PDXDC1: variants seen among roughly 807,000 people sequenced by gnomAD.
PDXDC1 encodes the protein pyridoxal-dependent decarboxylase domain-containing protein 1.
In PDXDC1, 42 loss-of-function variants were observed where a neutral mutation model predicts 100.1. The ratio of observed to expected loss-of-function variants is 0.42; its 90% CI spans 0.33 to 0.54. PDXDC1 has a LOEUF of 0.54. Among genes scored for constraint, PDXDC1 ranks in the 20% least tolerant of loss-of-function variants. The pLI is 0.10. For missense variants in PDXDC1, 636 were observed against 979.2 expected, an observed-to-expected ratio of 0.65 and a Z score of 4.68; for synonymous variants, 260 against 371.7, an observed-to-expected ratio of 0.70 and a Z score of 3.46.
downstream of PDXDC1, among the ~76,000 whole-genome samples, chr16:15,040,774 C>A (rs545554090): frequency 2.0e-5 from 3 of 152,260 alleles, no homozygotes; most frequent in South Asian, 4.1e-4. Flanking sequence ...GAGAGGGAAA[C>A]AAAACCAGGC....
At chr16:15,062,706 T>C (rs1425554058) in intron 16 of PDXDC1, among the ~76,000 whole-genome samples, 1 of 152,228 alleles carries the variant, frequency 6.6e-6, no homozygotes, top group African/African-American at 2.4e-5. Context: ...AAGATCTAAA[T>C]TCATTCAGCT....
intron 16 of PDXDC1, chr16:15,135,765 C>G (rs542253920): frequency 3.8e-6 from 6 of 1,596,086 alleles, no homozygotes; most frequent in East Asian, 2.2e-5. Flanking sequence ...TCTGACCACA[C>G]GCGGTATGAG....
downstream of PDXDC1, among the ~76,000 whole-genome samples, chr16:15,039,619 A>T (rs1003222663): frequency 3.0e-4 from 45 of 152,214 alleles, no homozygotes; most frequent in African/African-American, 1.0e-3. Context: ...TCCTGAGTGC[A>T]GAGGGGAGAA....
chr16:15,135,739 C>A lies in PDXDC1; in HGVS notation c.1400-3140C>A. ...GGTCGTAGGACTCGCTCCCATCCAG[C>A]ACCAGGTCCTGTGTGTCTGACCACA... On this transcript the variant is annotated intron_variant, in intron 16 of 16. Coordinates refer to the PDXDC1 transcript ENST00000535621. The A allele has an allele frequency of 3.8e-6, 6 of 1,596,466 alleles. 1 individual carries two copies. The South Asian group carries it at 6.6e-5, about 18-fold the overall frequency.
At chr16:15,039,175 G>T (rs2043689974), downstream of PDXDC1, among the ~76,000 whole-genome samples, 1 of 152,184 alleles carries the variant, frequency 6.6e-6, no homozygotes, top group African/African-American at 2.4e-5. Context: ...TCCCAAATTT[G>T]CCAATGGCAG....
intron 21 of PDXDC1, among the ~76,000 whole-genome samples, 158 bp downstream of exon 21, chr16:15,034,711 C>T (rs761829271): frequency 1.8e-4 from 27 of 152,026 alleles, no homozygotes; most frequent in Non-Finnish European, 3.8e-4. Context: ...TCTGGTGTGC[C>T]CTGTCCTCCT....
At chr16:15,135,735 C>T (rs1364562499) in intron 16 of PDXDC1, 4 of 1,597,132 alleles carry the variant, frequency 2.5e-6, no homozygotes, top group Non-Finnish European at 3.4e-6. Flanking sequence ...TCGCTCCCAT[C>T]CAGCACCAGG....
At chr16:14,998,463 G>A in intron 3 of PDXDC1, 58 bp downstream of exon 3, 1 of 1,570,366 alleles carries the variant, frequency 6.4e-7, no homozygotes, top group Non-Finnish European at 8.7e-7. Context: ...GTTTGTTTCT[G>A]AGATGGAGTC....
At chr16:15,023,016 G>A (rs555927771) in intron 13 of PDXDC1, among the ~76,000 whole-genome samples, 2 of 152,392 alleles carry the variant, frequency 1.3e-5, no homozygotes, top group East Asian at 3.9e-4. Flanking sequence ...TTCATTTATT[G>A]TGTTAAAGTT....
chr16:15,072,430 C>A (rs1350213725), intron 16 of PDXDC1, among the ~76,000 whole-genome samples: 1 of 152,072 alleles, frequency 6.6e-6, no homozygotes, highest in African/African-American at 2.4e-5. Context: ...CACCTAGTGA[C>A]CAAAAGGCAG....
At chr16:15,048,375 GT>G (rs1208816869) in intron 16 of PDXDC1, among the ~76,000 whole-genome samples, 2 of 152,102 alleles carry the variant, frequency 1.3e-5, no homozygotes, top group Admixed American at 6.5e-5. Flanking sequence ...CTTTATTATA[GT>G]TTTTTGTTTG....
chr16:15,069,783 C>G (rs2045143793), intron 16 of PDXDC1, among the ~76,000 whole-genome samples: 1 of 152,214 alleles, frequency 6.6e-6, no homozygotes, highest in Non-Finnish European at 1.5e-5. Flanking sequence ...GCCCAGGGCT[C>G]AGCCTCACCT....
chr16:15,065,102 C>A (rs2044906477), intron 16 of PDXDC1: 5 of 1,031,682 alleles, frequency 4.8e-6, no homozygotes, highest in East Asian at 2.4e-5. Flanking sequence ...GGAGGCGGAG[C>A]TTGCGGTAAG....
intron 1 of PDXDC1, among the ~76,000 whole-genome samples, chr16:14,979,024 A>G (rs1045818224): frequency 6.6e-6 from 1 of 152,288 alleles, no homozygotes; most frequent in Non-Finnish European, 1.5e-5. Context: ...TTGTCCCCCA[A>G]GGGGTAGAGG....
At position 15,132,744 on chromosome 16, in the gene PDXDC1, C is replaced by A. The variant is rs1356253139; in HGVS notation, c.1400-6135C>A. The stretch of plus-strand genomic sequence containing the variant: ...ACCATGCACTGGGCCAGCGCAGCAG[C>A]GATCTGCTGGATGTCATCCACAGTG... On this transcript the variant is annotated intron_variant, in intron 16 of 16. Transcript: ENST00000535621. 8.1e-6 allele frequency: 9 copies of A among 1,114,304 alleles called. No individual in the cohort carries two copies. In the South Asian group the frequency reaches 8.6e-5, roughly 11 times the overall value. 69.0% of individuals were successfully genotyped at this position (1,114,304 alleles called of 1,614,324 possible).
chr16:15,133,677 C>A, intron 16 of PDXDC1: 11 of 1,585,486 alleles, frequency 6.9e-6, no homozygotes, highest in East Asian at 2.2e-5. Flanking sequence ...ACCAGCGGGG[C>A]GCCAGCATCC....
Position 15,044,300 on chromosome 16 carries a change from C to T in PDXDC1, c.1399+14244C>T, listed in dbSNP as rs969315732. 4.7e-6 allele frequency: 7 copies of T among 1,475,614 alleles called. No individual in the cohort carries two copies. The African/African-American group carries it at 9.7e-5, about 21-fold the overall frequency. The allele number at this position is 1,475,614 out of a possible 1,614,324, so 91.4% of individuals were successfully genotyped here. A position where few individuals can be genotyped will look rare whatever the true frequency, so the allele number is the denominator to read the frequency against. Reference sequence around the variant, plus strand: ...GCAAATATGGGTACATATTTATGTCCAATTTGGGGGAAAGAAAAAAAAAAT... The same window carrying T: ...GCAAATATGGGTACATATTTATGTCTAATTTGGGGGAAAGAAAAAAAAAAT... On this transcript the variant is annotated intron_variant, in intron 16 of 16. Transcript: ENST00000535621.
At position 14,986,176 on chromosome 16, in the gene PDXDC1, T is replaced by TATAA. The variant is rs1969325655; in HGVS notation, c.21+10957_21+10958insTAAA. 2.6e-5 allele frequency among the ~76,000 whole-genome samples: 4 copies of TATAA among 152,104 alleles called. No homozygotes were observed. In the South Asian group the frequency reaches 8.3e-4, roughly 32 times the overall value. ...TTGTTTTATAAAATGAGCTAACTAT[T>TATAA]AAAGTCTCAGTTCTGGCTGGGTGCA... On this transcript the variant is annotated intron_variant, in intron 1 of 22. Coordinates refer to ENST00000396410, the MANE Select transcript of PDXDC1 (RefSeq NM_015027.4).
intron 16 of PDXDC1, chr16:15,070,320 C>T: frequency 6.4e-7 from 1 of 1,569,848 alleles, no homozygotes; most frequent in East Asian, 2.3e-5. Context: ...CATAAAAACA[C>T]ACAACTGCCT....
Sources: gnomAD v4.1 joint callset for allele counts (sites outside exome capture counted in the v4.1 genomes callset) on GRCh38, gnomAD v4.1.1 for gene constraint, MANE v1.5 for transcripts, NCBI Gene and HGNC (gene_info 2026-07-23, HGNC 2026-07-21) for gene names.